Variants in TMEM63B observed in about 807,000 individuals in gnomAD.
The protein encoded by TMEM63B is transmembrane protein 63B.
A neutral mutation model predicts 102.6 loss-of-function variants in TMEM63B; 23 were observed. That is an observed-to-expected ratio of 0.22 (90% CI 0.16 to 0.32). TMEM63B has a LOEUF of 0.32. Ranked by LOEUF, TMEM63B falls within the 10% of genes least tolerant of loss-of-function variation. The probability of loss-of-function intolerance (pLI) is 1.00; values close to 1 mark genes in which losing one functional copy is unlikely to be tolerated. For synonymous variants in TMEM63B, 444 were observed against 437.0 expected, an observed-to-expected ratio of 1.02 and a Z score of -0.20; for missense variants, 628 against 1,095.9, an observed-to-expected ratio of 0.57 and a Z score of 6.03.
At chr6:44,137,790 C>T (rs1763287589) in intron 5 of TMEM63B, among the ~76,000 whole-genome samples, 1 of 151,950 alleles carries the variant, frequency 6.6e-6, no homozygotes, top group African/African-American at 2.4e-5. Flanking sequence ...CCTCCGCCTC[C>T]TGGGTTCAAG....
At chr6:44,134,860 A>C (rs1257221059) in intron 2 of TMEM63B, 117 bp downstream of exon 2, 11 of 1,496,104 alleles carry the variant, frequency 7.4e-6, no homozygotes, top group Non-Finnish European at 1.0e-5. Flanking sequence ...AAGCAGGAGG[A>C]GTCCCCATCA....
At position 44,151,988 on chromosome 6, in the gene TMEM63B, G is replaced by A; in HGVS notation, c.1816G>A (p.Glu606Lys). ...IRLCLARSAA[E>K]RRNVKRHQAY... The stretch of plus-strand genomic sequence containing the variant: ...GCTCTGCCTGGCGCGCTCGGCCGCC[G>A]AGAGGCGCAACGTGAAGCGGGTACG... Residue 606 changes from glutamate to lysine, a missense_variant, in exon 19 of 24, where the codon GAG (glutamate) becomes AAG (lysine). Around this residue, in one of 6 missense-constraint regions of TMEM63B, gnomAD observed 90 missense variants for 136.7 expected, o/e 0.66. Transcript: ENST00000323267. 2 of 1,610,552 alleles carry A rather than the reference G, an allele frequency of 1.2e-6. No individual in the cohort carries two copies. Among genetic ancestry groups the A allele is most frequent in the Non-Finnish European group, 1.7e-6 (2 of 1,178,382 alleles).
intron 1 of TMEM63B, among the ~76,000 whole-genome samples, chr6:44,132,817 A>G (rs891043615): frequency 2.0e-5 from 3 of 152,228 alleles, no homozygotes; most frequent in African/African-American, 7.2e-5. Flanking sequence ...GCCTGAGAAC[A>G]TTTAATGAGC....
chr6:44,129,698 C>A (rs1385812536), intron 1 of TMEM63B, among the ~76,000 whole-genome samples: 1 of 152,194 alleles, frequency 6.6e-6, no homozygotes, highest in Non-Finnish European at 1.5e-5. Context: ...ATATTTCTAT[C>A]ATGTTACATT....
chr6:44,127,959 G>C (rs1777521449), intron 1 of TMEM63B: 1 of 151,118 alleles, frequency 6.6e-6, no homozygotes, highest in Non-Finnish European at 1.5e-5. Context: ...CCCCGCCCCC[G>C]GCCCCCGAGT....
intron 10 of TMEM63B, 112 bp from the exon 11 acceptor site, chr6:44,146,735 G>A: frequency 8.9e-7 from 1 of 1,120,150 alleles, no homozygotes; most frequent in Non-Finnish European, 1.4e-6. Context: ...ACAGATGTGA[G>A]CCACCACGTC....
rs1467523190 is a variant in TMEM63B at position 44,154,420 on chromosome 6, C to T, written c.2282C>T (p.Thr761Ile). 1.2e-6 allele frequency: 2 copies of T among 1,613,966 alleles called. No homozygotes were observed. Among genetic ancestry groups the T allele is most frequent in the East Asian group, 4.5e-5 (2 of 44,884 alleles). ...VDPRSNGRPP[T>I]AAAVPKSAKY... ...CCCAGAAGCAATGGACGGCCCCCCA[C>T]TGCTGCTGCTGTCCCCAAATCTGCG... The change falls in exon 23 of 24, where the codon ACT becomes ATT. Residue 761 changes from threonine to isoleucine, a missense_variant. Thr to Ile is a moderately conservative substitution (Grantham distance 89). Coordinates refer to ENST00000323267, the MANE Select transcript of TMEM63B (RefSeq NM_018426.3).
chr6:44,145,350 G>A (rs955029343), intron 10 of TMEM63B, among the ~76,000 whole-genome samples: 1 of 151,228 alleles, frequency 6.6e-6, no homozygotes, highest in Admixed American at 6.6e-5. Flanking sequence ...GGAAGCCAGG[G>A]CGGGCCAATC....
At chr6:44,139,640 G>A in intron 7 of TMEM63B, 31 bp downstream of exon 7, 3 of 1,614,184 alleles carry the variant, frequency 1.9e-6, no homozygotes, top group Non-Finnish European at 2.5e-6. Flanking sequence ...CTAGGGTGGA[G>A]AGAGGATGGG....
intron 6 of TMEM63B, 27 bp downstream of exon 6, chr6:44,138,544 A>G: frequency 2.5e-6 from 4 of 1,613,874 alleles, no homozygotes; most frequent in Non-Finnish European, 3.4e-6. Flanking sequence ...CAAGCTCTAA[A>G]GAAAGAGAGA....
intron 18 of TMEM63B, 67 bp from the exon 19 acceptor site, chr6:44,151,779 C>T (rs945923564): frequency 1.3e-6 from 2 of 1,512,184 alleles, no homozygotes; most frequent in African/African-American, 1.4e-5. Flanking sequence ...TGCTGTAGTT[C>T]TGGCAGTGGG....
chr6:44,152,084 A>G lies in TMEM63B; in HGVS notation c.1836+76A>G. The G allele has an allele frequency of 6.7e-7, 1 of 1,487,446 alleles. No homozygotes were observed. Among genetic ancestry groups the G allele is most frequent in the Non-Finnish European group, 8.9e-7 (1 of 1,117,378 alleles). 92.1% of individuals were successfully genotyped at this position (1,487,446 alleles called of 1,614,324 possible). ...AACAAGAAACAGCAGCCATCGCGCTAGGGTTGAGGGGCACAGGAGGGCTGA... is the reference window on the plus strand; with the variant it reads ...AACAAGAAACAGCAGCCATCGCGCTGGGGTTGAGGGGCACAGGAGGGCTGA... On this transcript the variant is annotated intron_variant, in intron 19 of 23. Transcript: ENST00000323267. The surrounding 1 kb of genome is among the most constrained non-coding windows in gnomAD (Gnocchi z 6.4).
chr6:44,135,259 C>G (rs1355573856), intron 3 of TMEM63B, 69 bp from the exon 4 acceptor site: 1 of 1,577,868 alleles, frequency 6.3e-7, no homozygotes, highest in Admixed American at 1.8e-5. Flanking sequence ...TAAGTTGGGC[C>G]CCTGTTCCTC....
At chr6:44,146,016 G>A (rs1561815672) in intron 10 of TMEM63B, among the ~76,000 whole-genome samples, 1 of 152,170 alleles carries the variant, frequency 6.6e-6, no homozygotes, top group Admixed American at 6.6e-5. Flanking sequence ...CAGGGTTACA[G>A]GTCAGTCTCA....
intron 10 of TMEM63B, among the ~76,000 whole-genome samples, chr6:44,145,847 G>GT (rs1303583852): frequency 6.6e-6 from 1 of 152,182 alleles, no homozygotes; most frequent in East Asian, 1.9e-4. Flanking sequence ...GCCTTGCCTG[G>GT]TACCAGGTAC....
chr6:44,151,395 C>T (rs1324805403), intron 18 of TMEM63B, among the ~76,000 whole-genome samples: 1 of 151,952 alleles, frequency 6.6e-6, no homozygotes, highest in East Asian at 1.9e-4. Context: ...TTCCTGGGCT[C>T]CCCCAGAGAT....
intron 9 of TMEM63B, chr6:44,140,607 A>G: frequency 1.6e-6 from 1 of 611,204 alleles, no homozygotes; most frequent in East Asian, 3.0e-5. Context: ...TGCTGTGCCC[A>G]GCACTTGGGA....
intron 10 of TMEM63B, among the ~76,000 whole-genome samples, chr6:44,146,481 C>T (rs1334367204): frequency 7.5e-6 from 1 of 133,802 alleles, no homozygotes; most frequent in Non-Finnish European, 1.7e-5. Flanking sequence ...GATGGAGTCT[C>T]GCTCTGTCGC....
Position 44,150,487 on chromosome 6 carries a change from C to A in TMEM63B, c.1608-77C>A. ...GTCTGGGAGTCTCCCCAGTGGCTCA[C>A]AGAGGAGGGACTTCCCCTCCCCTGG... On this transcript the variant is annotated intron_variant, in intron 17 of 23. Transcript: ENST00000323267. This position sits in a 1 kb window ranked among gnomAD's most constrained non-coding sequence, Gnocchi z 4.7. 1 of 1,568,486 alleles carries A rather than the reference C, an allele frequency of 6.4e-7. No homozygotes were observed. Among genetic ancestry groups the A allele is most frequent in the South Asian group, 1.1e-5 (1 of 89,610 alleles).
Sources: gnomAD v4.1 joint callset for allele counts (sites outside exome capture counted in the v4.1 genomes callset) on GRCh38, gnomAD v4.1.1 for gene constraint, gnomAD v4.1.1 regional missense constraint, Gnocchi (gnomAD v3.1) non-coding constraint, MANE v1.5 for transcripts, NCBI Gene and HGNC (gene_info 2026-07-23, HGNC 2026-07-21) for gene names.